DGKH: variants seen among roughly 807,000 people sequenced by gnomAD.
DGKH encodes the protein DAG kinase eta.
In DGKH, 90 loss-of-function variants were observed where a neutral mutation model predicts 159.3. The observed-to-expected ratio is 0.57, with a 90% CI of 0.48 to 0.67. The LOEUF (loss-of-function observed/expected upper bound fraction) is 0.67, where lower values mean the gene tolerates loss of function less well. Ranked by LOEUF, DGKH falls within the 30% of genes least tolerant of loss-of-function variation. The pLI, the probability that DGKH is intolerant of heterozygous loss-of-function variation, is 0.00. For synonymous variants in DGKH, 536 were observed against 553.8 expected (o/e 0.97, Z 0.45); for missense variants, 1,181 against 1,506.1 (o/e 0.78, Z 3.57).
chr13:42,124,542 G>T (rs1013114391), intron 1 of DGKH, among the ~76,000 whole-genome samples: 1 of 152,126 alleles, frequency 6.6e-6, no homozygotes, highest in African/African-American at 2.4e-5. Context: ...AGGCTTTGGG[G>T]TGAGACTTGG....
rs140390809 is a variant in DGKH at position 42,189,050 on chromosome 13, C to T, written c.1653C>T (p.Asn551=). 26 of 1,614,174 alleles carry T rather than the reference C, an allele frequency of 1.6e-5. No homozygotes were observed. In the East Asian group the frequency reaches 3.1e-4, roughly 19 times the overall value. ...TTTCCTCTCAGTGTTCAGTCCTAAA[C>T]GAGAAGCTCGAACAACTGCTGCAGG... ...DAVASKCSVL[N]EKLEQLLQAL... Residue 551 remains asparagine, a synonymous_variant, in exon 15 of 30, where the codon AAC becomes AAT. Transcript: ENST00000337343.
chr13:42,107,405 G>A (rs1409558526), intron 1 of DGKH, among the ~76,000 whole-genome samples: 1 of 152,226 alleles, frequency 6.6e-6, no homozygotes, highest in Non-Finnish European at 1.5e-5. Flanking sequence ...GTGAAGCTGT[G>A]AAGATGAAAC....
intron 20 of DGKH, among the ~76,000 whole-genome samples, chr13:42,203,349 A>G (rs1325671861): frequency 6.6e-6 from 1 of 152,224 alleles, no homozygotes; most frequent in Admixed American, 6.5e-5. Context: ...TGTTTTTTCC[A>G]TAAGACAATT....
intron 1 of DGKH, among the ~76,000 whole-genome samples, chr13:42,108,275 A>G (rs1188675860): frequency 6.6e-6 from 1 of 152,246 alleles, no homozygotes; most frequent in Non-Finnish European, 1.5e-5. Context: ...CAGTTTTCAG[A>G]AACCTTTTGA....
rs187706579 is a variant in DGKH at position 42,121,506 on chromosome 13, G to A, written c.193-5957G>A. 1.2e-4 allele frequency among the ~76,000 whole-genome samples: 19 copies of A among 152,270 alleles called. No individual in the cohort carries two copies. In the East Asian group the frequency reaches 2.3e-3, roughly 19 times the overall value. ...CATAAATTATAGAACCTTCACAATG[G>A]TGATACAAAGACAAATGAGATAGAC... is the stretch of plus-strand genomic sequence containing the variant. On this transcript the variant is annotated intron_variant, in intron 1 of 29. Coordinates refer to ENST00000337343, the MANE Select transcript of DGKH (RefSeq NM_178009.5).
intron 3 of DGKH, among the ~76,000 whole-genome samples, chr13:42,154,741 A>G (rs1363970561): frequency 6.6e-6 from 1 of 152,102 alleles, no homozygotes; most frequent in Non-Finnish European, 1.5e-5. Context: ...TCTTGATACC[A>G]TAATAAATCA....
intron 29 of DGKH, among the ~76,000 whole-genome samples, chr13:42,222,657 A>G (rs1447823944): frequency 6.6e-6 from 1 of 152,194 alleles, no homozygotes; most frequent in Non-Finnish European, 1.5e-5. Context: ...TCCTTGGCAG[A>G]TACCAATATT....
chr13:42,212,304 ATCAAG>A (rs1202496486), intron 24 of DGKH, among the ~76,000 whole-genome samples: 1 of 152,212 alleles, frequency 6.6e-6, no homozygotes, highest in Non-Finnish European at 1.5e-5. Flanking sequence ...CAGAATTAGA[ATCAAG>A]TCTTACAACT....
chr13:42,168,922 AAGCTCCAC>A, intron 11 of DGKH, 104 bp downstream of exon 11: 1 of 1,270,248 alleles, frequency 7.9e-7, no homozygotes, highest in Admixed American at 2.8e-5. Context: ...TACTGACTAG[AAGCTCCAC>A]GAAGGCAGAG....
intron 11 of DGKH, among the ~76,000 whole-genome samples, chr13:42,169,537 CAATGT>C (rs1417986622): frequency 2.6e-5 from 4 of 152,128 alleles, no homozygotes; most frequent in Non-Finnish European, 5.9e-5. Context: ...CCCCAACCCC[CAATGT>C]CAGTAGAAGA....
At chr13:42,222,811 C>T (rs1958015411) in intron 29 of DGKH, among the ~76,000 whole-genome samples, 1 of 152,000 alleles carries the variant, frequency 6.6e-6, no homozygotes, top group Admixed American at 6.5e-5. Context: ...TACATAAATG[C>T]ATATATGTGT....
In DGKH at chr13:42,190,408, G is replaced by A. The variant is rs903828962; in HGVS notation, c.1918G>A (p.Asp640Asn). Residue 640 changes from aspartate to asparagine, a missense_variant, in exon 16 of 30, where the codon GAT (aspartate) becomes AAT (asparagine). Transcript: ENST00000337343. ...QVIEEAGKVM[D>N]DPTVHPCEPA... ...TGTCTTCTTACTACCTGAAGTTATG[G>A]ATGACCCGACAGTTCACCCCTGTGA... is the stretch of plus-strand genomic sequence containing the variant. The A allele has an allele frequency of 6.2e-7, 1 of 1,604,720 alleles. No individual in the cohort carries two copies. Among genetic ancestry groups the A allele is most frequent in the East Asian group, 2.3e-5 (1 of 44,308 alleles).
chr13:42,063,527 C>T (rs893083731), intron 1 of DGKH, among the ~76,000 whole-genome samples: 15 of 152,296 alleles, frequency 9.8e-5, no homozygotes, highest in Admixed American at 5.9e-4. Context: ...TCTTTAAAAT[C>T]AGCATCTAAA....
intron 1 of DGKH, among the ~76,000 whole-genome samples, chr13:42,116,339 G>GAC (rs1365946449): frequency 6.6e-6 from 1 of 152,188 alleles, no homozygotes; most frequent in African/African-American, 2.4e-5. Context: ...GGAAAGAAGT[G>GAC]ACACAAATAA....
At position 42,234,144 on chromosome 13, in the gene DGKH, T is replaced by TCA. The variant is rs1958363569; in HGVS notation, c.*4956_*4957insCA. ...CCCCCAAATAACAGTTTACTTAATT[T>TCA]TATAAGATTTTTCCCAATGAGACTT... On this transcript the variant is annotated 3_prime_UTR_variant, in exon 30 of 30. Coordinates refer to ENST00000337343, the MANE Select transcript of DGKH (RefSeq NM_178009.5). The TCA allele has an allele frequency of 5.2e-5, 1 of 19,396 alleles. No homozygotes were observed. The highest frequency in any genetic ancestry group is 2.1e-4 in the Non-Finnish European group (1 of 4,776). The allele number at this position is 19,396 out of a possible 1,614,324, so 1.2% of individuals were successfully genotyped here. A position where few individuals can be genotyped will look rare whatever the true frequency, so the allele number is the denominator to read the frequency against.
intron 1 of DGKH, among the ~76,000 whole-genome samples, chr13:42,089,877 C>T (rs1954382266): frequency 6.6e-6 from 1 of 152,032 alleles, no homozygotes; most frequent in South Asian, 2.1e-4. Context: ...CTGCCTACTA[C>T]ATTTTAAATG....
rs1308802651 is a variant in DGKH at position 42,142,570 on chromosome 13, A to C, written c.385-12721A>C. Among the ~76,000 whole-genome samples, 726 of 151,584 alleles carry C rather than the reference A, an allele frequency of 4.8e-3. 3 individuals carry two copies. Among genetic ancestry groups the C allele is most frequent in the African/African-American group, 0.016 (652 of 41,258 alleles). ...ATTTGTTTGTATCCTCTTTTATTTC[A>C]TTGAGCAGTGGTTTGTAGTTCTCCT... On this transcript the variant is annotated intron_variant, in intron 3 of 29. Coordinates refer to ENST00000337343, the MANE Select transcript of DGKH (RefSeq NM_178009.5).
chr13:42,148,273 T>C (rs937424623), intron 3 of DGKH, among the ~76,000 whole-genome samples: 1 of 152,228 alleles, frequency 6.6e-6, no homozygotes, highest in Non-Finnish European at 1.5e-5. Context: ...TGGCCTGTTA[T>C]AATTACTCCA....
chr13:42,065,425 G>A (rs1386353740), intron 1 of DGKH, among the ~76,000 whole-genome samples: 1 of 152,148 alleles, frequency 6.6e-6, no homozygotes, highest in East Asian at 1.9e-4. Context: ...AATTATTACC[G>A]TTTGAGTATT....
Sources: gnomAD v4.1 joint callset for allele counts (sites outside exome capture counted in the v4.1 genomes callset) on GRCh38, gnomAD v4.1.1 for gene constraint, MANE v1.5 for transcripts, NCBI Gene and HGNC (gene_info 2026-07-23, HGNC 2026-07-21) for gene names.